The following CTSH variants were observed in gnomAD, a reference collection of about 807,000 sequenced individuals.
The protein encoded by CTSH is cathepsin H, also known as pro-cathepsin H.
In CTSH, 52 loss-of-function variants were observed where a neutral mutation model predicts 56.3. The ratio of observed to expected loss-of-function variants is 0.92; its 90% CI spans 0.74 to 1.16. The LOEUF (loss-of-function observed/expected upper bound fraction) is 1.16. Ranked by LOEUF, CTSH falls within the 50% of genes most tolerant of loss-of-function variation. CTSH has a pLI of 0.00. For synonymous variants in CTSH, 174 were observed against 155.7 expected (o/e 1.12, Z -0.88); for missense variants, 406 against 424.5 (o/e 0.96, Z 0.38).
intron 5 of CTSH, chr15:78,933,576 C>T (rs1200587073): frequency 4.4e-6 from 2 of 454,322 alleles, no homozygotes; most frequent in Admixed American, 2.4e-5. Context: ...GGAGGGACGG[C>T]CTGGTGAGAG....
intron 5 of CTSH, among the ~76,000 whole-genome samples, chr15:78,934,645 T>C (rs971064924): frequency 6.6e-6 from 1 of 152,158 alleles, no homozygotes; most frequent in African/African-American, 2.4e-5. Flanking sequence ...AGGAGATGCA[T>C]GGGGTTCTGG....
At position 78,942,145 on chromosome 15, in the gene CTSH, C is replaced by T. The variant is rs191478147; in HGVS notation, c.91+2746G>A. 8.5e-5 allele frequency among the ~76,000 whole-genome samples: 13 copies of T among 152,064 alleles called. No homozygotes were observed. In the East Asian group the frequency reaches 1.7e-3, roughly 20 times the overall value. On this transcript the variant is annotated intron_variant, in intron 1 of 11. Coordinates refer to ENST00000220166, the MANE Select transcript of CTSH (RefSeq NM_004390.5). The stretch of plus-strand genomic sequence containing the variant: ...AAGAGCAATGCCACTTAATTCTTCG[C>T]ACTCCTTTCTGTGCATCCAATCCCA...
In CTSH at chr15:78,922,222, G is replaced by A. The variant is rs1252187828; in HGVS notation, c.933-17C>T. The A allele has an allele frequency of 6.4e-7, 1 of 1,562,010 alleles. No homozygotes were observed. Among genetic ancestry groups the A allele is most frequent in the Non-Finnish European group, 8.7e-7 (1 of 1,153,104 alleles). On this transcript the variant is annotated splice_polypyrimidine_tract_variant and intron_variant, in intron 11 of 11. Transcript: ENST00000220166. ...AGGAAGTACCTGGGCAGAAAGAGGAGCTGAGGCCCGGCCGGCGGTCTCCCC... is the reference window on the plus strand; with the variant it reads ...AGGAAGTACCTGGGCAGAAAGAGGAACTGAGGCCCGGCCGGCGGTCTCCCC...
chr15:78,921,873 C>T lies in CTSH; in HGVS notation c.*257G>A, dbSNP rs3129. 118,158 of 512,182 alleles carry T rather than the reference C, an allele frequency of 0.23. 15,307 individuals carry two copies. The highest frequency in any genetic ancestry group is 0.26 in the Non-Finnish European group (75,733 of 286,624). 31.7% of individuals were successfully genotyped at this position (512,182 alleles called of 1,614,324 possible). A position where few individuals can be genotyped will look rare whatever the true frequency, so the allele number is the denominator to read the frequency against. ...AGCCCTTCTGGACAGAAAGAATATT[C>T]GTGGTCCATGTGGTTTGAGTCTGTT... On this transcript the variant is annotated 3_prime_UTR_variant, in exon 12 of 12. Transcript: ENST00000220166.
intron 10 of CTSH, among the ~76,000 whole-genome samples, chr15:78,925,005 G>GTT (rs11420234): frequency 4.6e-5 from 7 of 151,752 alleles, no homozygotes; most frequent in African/African-American, 1.7e-4. Context: ...CTGAACATGG[G>GTT]TTTTTTTTAA....
Position 78,944,973 on chromosome 15 carries a change from G to A in CTSH, c.9C>T (p.Ala3=). 2 of 1,543,698 alleles carry A rather than the reference G, an allele frequency of 1.3e-6. No individual in the cohort carries two copies. Among genetic ancestry groups the A allele is most frequent in the South Asian group, 2.4e-5 (2 of 83,482 alleles). ...CCCCGGCGCAGAGCAGCGGCAGCGT[G>A]GCCCACATCGCAGCGCTGGCGGCTT... MW[A]TLPLLCAGAW... is the part of the protein sequence containing the mutation. The change falls in exon 1 of 12, where the codon GCC becomes GCT. Residue 3 remains alanine, a synonymous_variant. Transcript: ENST00000220166.
chr15:78,926,754 TA>T, intron 9 of CTSH: 1 of 152,332 alleles, frequency 6.6e-6, no homozygotes, highest in South Asian at 2.1e-4. Flanking sequence ...GCACATTACT[TA>T]ACCACTTGGA....
rs1459394164 is a variant in CTSH, at chr15:78,945,001, C to G, written c.-20G>C. The G allele has an allele frequency of 6.6e-7, 1 of 1,518,244 alleles. No individual in the cohort carries two copies. 94.0% of individuals were successfully genotyped at this position (1,518,244 alleles called of 1,614,324 possible). A position where few individuals can be genotyped will look rare whatever the true frequency, so the allele number is the denominator to read the frequency against. ...CCACATCGCAGCGCTGGCGGCTTGG[C>G]TCTTGCGCTCAGGGTCCGCGGAGGT... On this transcript the variant is annotated 5_prime_UTR_variant, in exon 1 of 12. Transcript: ENST00000220166.
At chr15:78,938,811 T>C (rs2055229915) in intron 2 of CTSH, among the ~76,000 whole-genome samples, 3 of 148,224 alleles carry the variant, frequency 2.0e-5, no homozygotes, top group African/African-American at 7.3e-5. Flanking sequence ...TAGTTTTGTT[T>C]TGAGTTTTTG....
chr15:78,942,926 T>C (rs1416753816), intron 1 of CTSH, among the ~76,000 whole-genome samples: 4 of 152,162 alleles, frequency 2.6e-5, no homozygotes, highest in Non-Finnish European at 5.9e-5. Context: ...CTATGGCCGT[T>C]TTCCCTGGGG....
At chr15:78,937,857 T>C (rs2055209232) in intron 2 of CTSH, 5 of 1,238,790 alleles carry the variant, frequency 4.0e-6, no homozygotes, top group South Asian at 2.5e-5. Flanking sequence ...TTTATTGATA[T>C]ATAACTGATG....
Position 78,931,514 on chromosome 15 carries a change from A to T in CTSH, c.493-8T>A. 6.2e-7 allele frequency: 1 copy of T among 1,614,244 alleles called. No individual in the cohort carries two copies. Among genetic ancestry groups the T allele is most frequent in the Non-Finnish European group, 8.5e-7 (1 of 1,180,034 alleles). On this transcript the variant is annotated splice_region_variant and splice_polypyrimidine_tract_variant and intron_variant, in intron 6 of 11. Transcript: ENST00000220166. ...CACCAGCTGCTGTTCCGCCTGGAAG[A>T]AGGACACAACCCAGTGACCTGCCAG...
intron 2 of CTSH, chr15:78,937,643 C>A: frequency 7.2e-7 from 1 of 1,395,026 alleles, no homozygotes; most frequent in Admixed American, 2.4e-5. Context: ...CATGCAGCTG[C>A]GTGAAAGTCA....
chr15:78,924,096 C>CGGGGGGGGG (rs71148579), intron 10 of CTSH, among the ~76,000 whole-genome samples: 3 of 26,198 alleles, frequency 1.1e-4, no homozygotes, highest in Non-Finnish European at 2.1e-4. Context: ...TCCAACCCAG[C>CGGGGGGGGG]GGGGGGGGGG....
intron 7 of CTSH, among the ~76,000 whole-genome samples, chr15:78,929,886 A>G (rs1464006062): frequency 3.9e-5 from 6 of 152,168 alleles, no homozygotes; most frequent in Non-Finnish European, 7.3e-5. Flanking sequence ...GGATGCTGTC[A>G]CTGGCTGAGG....
chr15:78,937,301 G>A lies in CTSH; in HGVS notation c.229+17C>T, dbSNP rs776721968. Reference sequence around the variant, plus strand: ...AACTGACATCCTTCCAGGAAGGAAGGAAGGCGTTCCACGTACTTTTAAATG... The same window carrying A: ...AACTGACATCCTTCCAGGAAGGAAGAAAGGCGTTCCACGTACTTTTAAATG... On this transcript the variant is annotated intron_variant, in intron 3 of 11. Transcript: ENST00000220166. 15 of 1,604,434 alleles carry A rather than the reference G, an allele frequency of 9.3e-6. No homozygotes were observed. Among genetic ancestry groups the A allele is most frequent in the Non-Finnish European group, 1.2e-5 (14 of 1,171,770 alleles).
At position 78,921,276 on chromosome 15, in the gene CTSH, C is replaced by G. The variant is rs2054765521; in HGVS notation, c.*854G>C. On this transcript the variant is annotated 3_prime_UTR_variant, in exon 12 of 12. Coordinates refer to ENST00000220166, the MANE Select transcript of CTSH (RefSeq NM_004390.5). ...GCCCGGAGGCTTCAGGAAGCAGCAG[C>G]AACTTCATGGCCGCCCTCTAAACAG... 2 of 152,258 alleles carry G rather than the reference C, an allele frequency of 1.3e-5. No homozygotes were observed. Among genetic ancestry groups the G allele is most frequent in the East Asian group, 3.9e-4 (2 of 5,170 alleles). 9.4% of individuals were successfully genotyped at this position (152,258 alleles called of 1,614,324 possible).
At chr15:78,922,242 C>A in intron 11 of CTSH, 37 bp from the exon 12 acceptor site, 1 of 1,519,058 alleles carries the variant, frequency 6.6e-7, no homozygotes, top group South Asian at 1.2e-5. Flanking sequence ...GGCCGGCGGT[C>A]TCCCCACCAC....
Position 78,937,336 on chromosome 15 carries a change from C to T in CTSH, c.211G>A (p.Gly71Arg). 2 of 1,613,874 alleles carry T rather than the reference C, an allele frequency of 1.2e-6. No homozygotes were observed. The highest frequency in any genetic ancestry group is 1.7e-6 in the Non-Finnish European group (2 of 1,179,838). The change falls in exon 3 of 12, where the codon GGG (glycine) becomes AGG (arginine). Residue 71 changes from glycine to arginine, a missense_variant. Coordinates refer to ENST00000220166, the MANE Select transcript of CTSH (RefSeq NM_004390.5). ...CACGTACTTTTAAATGTGTGGTTCC[C>T]ATTGTTGTGGGCGTTTATCTTCCTC... Reference protein sequence around the residue: ...NWRKINAHNNGNHTFKMALNQ... With the variant: ...NWRKINAHNNRNHTFKMALNQ...
Sources: allele counts gnomAD v4.1 joint callset (sites outside exome capture counted in the v4.1 genomes callset), GRCh38; gene constraint gnomAD v4.1.1; transcripts MANE v1.5; gene names NCBI Gene and HGNC (gene_info 2026-07-23, HGNC 2026-07-21).